The following EHD1 variants were observed in gnomAD, a reference collection of about 807,000 sequenced individuals.
The protein encoded by EHD1 is EH domain-containing protein 1.
In EHD1, 19 loss-of-function variants were observed where a neutral mutation model predicts 39.0. The ratio of observed to expected loss-of-function variants is 0.49; its 90% confidence interval spans 0.34 to 0.72. The LOEUF (loss-of-function observed/expected upper bound fraction) is 0.72, where lower values mean the gene tolerates loss of function less well. Ranked by LOEUF, EHD1 falls within the 30% of genes least tolerant of loss-of-function variation. The pLI is 0.01. For synonymous variants in EHD1, 323 were observed against 331.2 expected, an observed-to-expected ratio of 0.98 and a Z score of 0.27; for missense variants, 542 against 751.5, an observed-to-expected ratio of 0.72 and a Z score of 3.26.
chr11:64,854,648 G>A lies in EHD1; in HGVS notation c.1290C>T (p.Ala430=), dbSNP rs775599350. 36 of 1,613,714 alleles carry A rather than the reference G, an allele frequency of 2.2e-5. No individual in the cohort carries two copies. The highest frequency in any genetic ancestry group is 2.0e-4 in the East Asian group (9 of 44,880). The change falls in exon 5 of 5, where the codon GCC becomes GCT. Residue 430 remains alanine (A), a synonymous_variant. Transcript: ENST00000320631. ...ACTCCACGTCGTCGATGCCCTCGCC[G>A]GCCCCCTCGCCGTAGCCGTGCCCGA... The part of the protein sequence containing the change: ...GPFGHGYGEG[A]GEGIDDVEWV...
chr11:64,855,037 C>T, intron 4 of EHD1, 180 bp from the exon 5 acceptor site: 1 of 884,024 alleles, frequency 1.1e-6, no homozygotes, highest in Non-Finnish European at 1.7e-6. Context: ...GCACCTCCAG[C>T]TCTTTCCTTG....
intron 2 of EHD1, among the ~76,000 whole-genome samples, chr11:64,861,798 G>C (rs1319829223): frequency 1.3e-5 from 2 of 152,164 alleles, no homozygotes; most frequent in Non-Finnish European, 2.9e-5. Context: ...AAGAAGCCCA[G>C]GAAGTGCTAC....
intron 2 of EHD1, 61 bp from the exon 3 acceptor site, chr11:64,860,397 C>T (rs941880771): frequency 1.9e-6 from 3 of 1,542,554 alleles, no homozygotes; most frequent in South Asian, 2.4e-5. Flanking sequence ...TGATGGCTCT[C>T]ATCTCCAACC....
chr11:64,859,789 G>A, intron 3 of EHD1, 135 bp downstream of exon 3: 1 of 1,268,204 alleles, frequency 7.9e-7, no homozygotes, highest in Non-Finnish European at 1.1e-6. Flanking sequence ...TTCTATAGAG[G>A]GAAACAGCGC....
chr11:64,860,012 T>C lies in EHD1; in HGVS notation c.827A>G (p.Gln276Arg), dbSNP rs1376582279. Residue 276 changes from glutamine to arginine, a missense_variant, in exon 3 of 5, where the codon CAG becomes CGG. Coordinates refer to ENST00000320631, the MANE Select transcript of EHD1 (RefSeq NM_006795.4). ...DNRKLFEAEE[Q>R]DLFKDIQSLP... ...TGACTGGATGTCCTTGAAGAGGTCC[T>C]GCTCCTCGGCCTCAAAGAGCTTGCG... 3 of 1,613,936 alleles carry C rather than the reference T, an allele frequency of 1.9e-6. No individual in the cohort carries two copies. Among genetic ancestry groups the C allele is most frequent in the East Asian group, 2.2e-5 (1 of 44,900 alleles).
chr11:64,869,796 C>T (rs1025223044), intron 2 of EHD1, among the ~76,000 whole-genome samples: 6 of 152,194 alleles, frequency 3.9e-5, no homozygotes, highest in African/African-American at 1.2e-4. Flanking sequence ...TGATGGTCTT[C>T]GGAGCACCCT....
intron 3 of EHD1, 92 bp downstream of exon 3, chr11:64,859,832 G>A (rs1943693088): frequency 2.7e-6 from 4 of 1,485,276 alleles, no homozygotes; most frequent in Non-Finnish European, 9.0e-7. Flanking sequence ...GAGCTGGGAA[G>A]GGTCTCGGGC....
In EHD1 at chr11:64,855,231, T is replaced by C. The variant is rs377503184; in HGVS notation, c.1080+91A>G. ...TTCCGTTCAGGGAGGCCCTTCCCCA[T>C]GGAGATGGGATTCCCTCCAAATCCA... On this transcript the variant is annotated intron_variant, in intron 4 of 4. Transcript: ENST00000320631. 8.2e-5 allele frequency: 124 copies of C among 1,503,382 alleles called. 1 individual carries two copies. In the South Asian group the frequency reaches 1.3e-3, roughly 16 times the overall value. 93.1% of individuals were successfully genotyped at this position (1,503,382 alleles called of 1,614,324 possible). A position where few individuals can be genotyped will look rare whatever the true frequency, so the allele number is the denominator to read the frequency against.
chr11:64,868,679 G>A lies in EHD1; in HGVS notation c.502+5742C>T, dbSNP rs553224017. ...GACCAGGAGTGACTATGAGGGGCAC[G>A]GGAACTTTCAGGCGATGGGAATACT... is the stretch of plus-strand genomic sequence containing the variant. On this transcript the variant is annotated intron_variant, in intron 2 of 4. Coordinates refer to ENST00000320631, the MANE Select transcript of EHD1 (RefSeq NM_006795.4). This position sits in a 1 kb window ranked among gnomAD's most constrained non-coding sequence, Gnocchi z 4.2. Among the ~76,000 whole-genome samples, 1 of 152,368 alleles carries A rather than the reference G, an allele frequency of 6.6e-6. No homozygotes were observed. The highest frequency in any genetic ancestry group is 2.1e-4 in the South Asian group (1 of 4,834).
intron 2 of EHD1, among the ~76,000 whole-genome samples, chr11:64,864,379 C>T (rs77422684): frequency 0.015 from 2,220 of 152,354 alleles, 48 homozygotes; most frequent in African/African-American, 0.05. Flanking sequence ...TACAAGGCCC[C>T]GGGCACCCGG....
In EHD1 at chr11:64,855,309, G is replaced by A. The variant is rs1178421847; in HGVS notation, c.1080+13C>T. 15 of 1,612,004 alleles carry A rather than the reference G, an allele frequency of 9.3e-6. No homozygotes were observed. Among genetic ancestry groups the A allele is most frequent in the South Asian group, 7.7e-5 (7 of 91,014 alleles). On this transcript the variant is annotated intron_variant, in intron 4 of 4. Transcript: ENST00000320631. ...TGGCCACCAGCCTGCATGGGGCCTC[G>A]GGACAGCCGTACCTGCATCTTGCGG...
intron 2 of EHD1, among the ~76,000 whole-genome samples, chr11:64,864,474 G>A (rs557472503): frequency 1.3e-5 from 2 of 152,218 alleles, no homozygotes; most frequent in African/African-American, 2.4e-5. Context: ...AGAGGCCAAG[G>A]GCAACATGAG....
At chr11:64,873,575 T>A (rs529759912) in intron 2 of EHD1, among the ~76,000 whole-genome samples, 8 of 152,106 alleles carry the variant, frequency 5.3e-5, no homozygotes, top group Non-Finnish European at 1.0e-4. Context: ...GCTGCTCCCA[T>A]TGCCTAGGCC....
In EHD1 at chr11:64,860,161, C is replaced by T. The variant is rs776759353; in HGVS notation, c.678G>A (p.Thr226=). 1.4e-5 allele frequency: 23 copies of T among 1,614,058 alleles called. No individual in the cohort carries two copies. The highest frequency in any genetic ancestry group is 7.7e-5 in the South Asian group (7 of 91,086). Residue 226 remains threonine (T), a synonymous_variant, in exon 3 of 5, where the codon ACG becomes ACA. Transcript: ENST00000320631. ...VVLNKADQIE[T]QQLMRVYGAL... ...CCCCGTACACCCGCATCAGCTGCTGCGTCTCGATCTGGTCTGCCTTGTTCA... is the reference window on the plus strand; with the variant it reads ...CCCCGTACACCCGCATCAGCTGCTGTGTCTCGATCTGGTCTGCCTTGTTCA...
At chr11:64,855,620 CA>C in intron 3 of EHD1, 134 bp from the exon 4 acceptor site, 1 of 1,347,794 alleles carries the variant, frequency 7.4e-7, no homozygotes, top group Non-Finnish European at 1.0e-6. Flanking sequence ...GGGTCAAGCT[CA>C]AGGCCGCTAC....
upstream of EHD1, chr11:64,878,626 C>T (rs1943917713): frequency 3.5e-6 from 5 of 1,409,798 alleles, no homozygotes; most frequent in Non-Finnish European, 2.8e-6. Flanking sequence ...CCGAATGCTG[C>T]GCACCCCTCG....
upstream of EHD1, chr11:64,879,579 A>G (rs1943931199): frequency 6.4e-7 from 1 of 1,550,624 alleles, no homozygotes; most frequent in Non-Finnish European, 8.7e-7. Context: ...ATTTACCATC[A>G]TTTACTGGGA....
intron 2 of EHD1, among the ~76,000 whole-genome samples, chr11:64,872,375 C>A (rs1484686556): frequency 6.6e-6 from 1 of 152,112 alleles, no homozygotes; most frequent in African/African-American, 2.4e-5. Context: ...GTGGGAGGAT[C>A]GCTTGAACCA....
chr11:64,874,923 T>C (rs1214495065), intron 1 of EHD1, among the ~76,000 whole-genome samples: 1 of 152,212 alleles, frequency 6.6e-6, no homozygotes, highest in African/African-American at 2.4e-5. Context: ...ATCTCCACAC[T>C]GAAGAGAGCT....
Sources: gnomAD v4.1 joint callset for allele counts (sites outside exome capture counted in the v4.1 genomes callset) on GRCh38, gnomAD v4.1.1 for gene constraint, Gnocchi (gnomAD v3.1) non-coding constraint, MANE v1.5 for transcripts, NCBI Gene and HGNC (gene_info 2026-07-23, HGNC 2026-07-21) for gene names.